UPRT: variants seen among roughly 807,000 people sequenced by gnomAD.
The protein encoded by UPRT is uracil phosphoribosyltransferase homolog.
Under a neutral mutation model 22.6 loss-of-function variants are expected in UPRT, and 5 were observed. The observed-to-expected ratio is 0.22, with a 90% CI of 0.12 to 0.47. The LOEUF (loss-of-function observed/expected upper bound fraction) is 0.47, where lower values mean the gene tolerates loss of function less well. Among genes scored for constraint, UPRT ranks in the 20% least tolerant of loss-of-function variants. The probability of loss-of-function intolerance (pLI) is 0.99; values close to 1 mark genes in which losing one functional copy is unlikely to be tolerated. For missense variants in UPRT, 181 were observed against 239.9 expected (o/e 0.75, Z 1.62); for synonymous variants, 77 against 87.7 (o/e 0.88, Z 0.68).
rs34484875 is a variant in UPRT at position 75,205,231 on chromosome X, G to A, written c.-447+37352G>A. The stretch of plus-strand genomic sequence containing the variant: ...TAAAAATACAAAAAATTAGCCGGGC[G>A]CGGTGGCGGGCGCCTGTAGTCCCGG... On this transcript the variant is annotated intron_variant, in intron 4 of 13. Transcript: ENST00000652605. Among the ~76,000 whole-genome samples the A allele has an allele frequency of 9.2e-5, 10 of 108,209 alleles. No individual in the cohort carries two copies. In the East Asian group the frequency reaches 2.9e-3, roughly 31 times the overall value. The allele number at this position is 108,209 out of a possible 115,157, so 94.0% of individuals were successfully genotyped here.
intron 4 of UPRT, among the ~76,000 whole-genome samples, chrX:75,173,592 C>T (rs2082236825): frequency 1.8e-5 from 2 of 112,737 alleles, no homozygotes; most frequent in South Asian, 3.6e-4. Context: ...TCGCACCGTG[C>T]GCTCACACTC....
chrX:75,233,881 T>C (rs370099874), intron 4 of UPRT, among the ~76,000 whole-genome samples: 2 of 109,147 alleles, frequency 1.8e-5, no homozygotes, highest in Non-Finnish European at 3.8e-5. Flanking sequence ...CATCAACTAA[T>C]GAGCAAAATA....
At chrX:75,196,794 C>T (rs1177228633) in intron 4 of UPRT, among the ~76,000 whole-genome samples, 1 of 111,090 alleles carries the variant, frequency 9.0e-6, no homozygotes, top group African/African-American at 3.3e-5. Context: ...TTGCACTGAG[C>T]CGAGATCGTG....
intron 1 of UPRT, chrX:75,291,418 G>A: frequency 3.1e-6 from 1 of 324,702 alleles, no homozygotes; most frequent in South Asian, 2.7e-5. Flanking sequence ...GAGAGATTAC[G>A]GTTATGATTT....
intron 4 of UPRT, among the ~76,000 whole-genome samples, chrX:75,186,694 A>T (rs1411562872): frequency 3.6e-5 from 4 of 111,781 alleles, no homozygotes; most frequent in Non-Finnish European, 7.5e-5. Context: ...TGCTTTATGA[A>T]TCTGGCTGCT....
At chrX:75,299,664 A>C in intron 4 of UPRT, 71 bp from the exon 5 acceptor site, 1 of 1,028,560 alleles carries the variant, frequency 9.7e-7, no homozygotes, top group Non-Finnish European at 1.3e-6. Context: ...GTGACAAACT[A>C]TACTTTGGCC....
chrX:75,277,420 T>C (rs1360849184), intron 1 of UPRT, among the ~76,000 whole-genome samples: 21 of 110,643 alleles, frequency 1.9e-4, no homozygotes, highest in Non-Finnish European at 9.5e-5. Context: ...TTTTTTTTTT[T>C]CCTCTAAGTT....
chrX:75,256,227 A>T (rs1206820266), intron 4 of UPRT, among the ~76,000 whole-genome samples: 1 of 112,055 alleles, frequency 8.9e-6, no homozygotes, highest in Non-Finnish European at 1.9e-5. Flanking sequence ...AAAACTATGC[A>T]AATACATGAA....
At chrX:75,220,594 G>A (rs919922019) in intron 4 of UPRT, among the ~76,000 whole-genome samples, 1 of 109,697 alleles carries the variant, frequency 9.1e-6, no homozygotes, top group African/African-American at 3.3e-5. Flanking sequence ...TGATATGAGG[G>A]TGCTTTGATG....
At chrX:75,233,544 G>A (rs1411769563) in intron 4 of UPRT, among the ~76,000 whole-genome samples, 7 of 110,030 alleles carry the variant, frequency 6.4e-5, no homozygotes, top group Non-Finnish European at 9.5e-5. Context: ...GAGAAAGGTC[G>A]GGTTACCCTC....
chrX:75,211,372 A>G (rs751807344), intron 4 of UPRT, among the ~76,000 whole-genome samples: 1 of 111,225 alleles, frequency 9.0e-6, no homozygotes, highest in Non-Finnish European at 1.9e-5. Context: ...CTGAGAAGGC[A>G]GGCCGTGGTC....
chrX:75,200,205 C>T (rs1467523041), intron 4 of UPRT, among the ~76,000 whole-genome samples: 2 of 112,128 alleles, frequency 1.8e-5, no homozygotes, highest in Non-Finnish European at 3.8e-5. Flanking sequence ...GTCCTAGGCC[C>T]GATAATCATT....
intron 4 of UPRT, among the ~76,000 whole-genome samples, chrX:75,176,946 T>A (rs936833362): frequency 1.8e-5 from 2 of 111,549 alleles, no homozygotes; most frequent in Non-Finnish European, 3.8e-5. Flanking sequence ...CAGAAAAAAG[T>A]GAGCCACCTC....
intron 1 of UPRT, among the ~76,000 whole-genome samples, chrX:75,158,857 C>G (rs767389795): frequency 9.0e-6 from 1 of 111,641 alleles, no homozygotes; most frequent in East Asian, 2.8e-4. Context: ...AGGCCACCCC[C>G]TGTCCCCACC....
At chrX:75,205,796 T>C (rs2082364353) in intron 4 of UPRT, among the ~76,000 whole-genome samples, 1 of 111,396 alleles carries the variant, frequency 9.0e-6, no homozygotes, top group African/African-American at 3.3e-5. Flanking sequence ...TTATTAGATG[T>C]TGAGTGAGGT....
At chrX:75,260,457 T>G (rs1463103426) in intron 4 of UPRT, among the ~76,000 whole-genome samples, 1 of 112,077 alleles carries the variant, frequency 8.9e-6, no homozygotes, top group Non-Finnish European at 1.9e-5. Flanking sequence ...GCAATCCTAG[T>G]CTCTGATAAA....
At chrX:75,193,932 C>T (rs2082324682) in intron 4 of UPRT, among the ~76,000 whole-genome samples, 3 of 111,578 alleles carry the variant, frequency 2.7e-5, no homozygotes, top group Non-Finnish European at 5.6e-5. Context: ...TTGTTACTGT[C>T]CATATTCTGA....
upstream of UPRT, among the ~76,000 whole-genome samples, chrX:75,271,565 C>T (rs1391645318): frequency 9.0e-6 from 1 of 111,725 alleles, no homozygotes; most frequent in Non-Finnish European, 1.9e-5. Flanking sequence ...TTGGAAAAAC[C>T]CTTATAGACA....
At chrX:75,225,366 C>CACACACACA (rs2082421310) in intron 4 of UPRT, among the ~76,000 whole-genome samples, 3 of 107,905 alleles carry the variant, frequency 2.8e-5, no homozygotes, top group African/African-American at 6.8e-5. Flanking sequence ...CACACACACA[C>CACACACACA]CCTAGGTGGG....
Sources: allele counts gnomAD v4.1 joint callset (sites outside exome capture counted in the v4.1 genomes callset), GRCh38; gene constraint gnomAD v4.1.1; transcripts MANE v1.5; gene names NCBI Gene and HGNC (gene_info 2026-07-23, HGNC 2026-07-21).